Variants in DYTN observed in about 807,000 individuals in gnomAD.
DYTN encodes the protein dystrotelin.
DYTN carries 75 observed loss-of-function variants against 69.6 expected under a neutral mutation model. That is an observed-to-expected ratio of 1.08 (90% CI 0.89 to 1.31). DYTN has a LOEUF of 1.31. Ranked by LOEUF, DYTN falls within the 50% of genes most tolerant of loss-of-function variation. The pLI is 0.00. For missense variants in DYTN, 726 were observed against 688.4 expected (o/e 1.05, Z -0.61); for synonymous variants, 252 against 249.1 (o/e 1.01, Z -0.11).
chr2:206,672,770 T>C (rs968172128), intron 9 of DYTN, among the ~76,000 whole-genome samples: 1 of 152,250 alleles, frequency 6.6e-6, no homozygotes, highest in Admixed American at 6.5e-5. Context: ...CAAGTGGAGT[T>C]ACACATGTGG....
intron 9 of DYTN, among the ~76,000 whole-genome samples, chr2:206,680,004 A>C (rs899428228): frequency 5.3e-5 from 8 of 152,222 alleles, no homozygotes; most frequent in Admixed American, 1.3e-4. Context: ...ACAGTTCTAG[A>C]GGCTGAAAGT....
At chr2:206,717,366 G>C (rs1279879262) in intron 1 of DYTN, among the ~76,000 whole-genome samples, 1 of 152,174 alleles carries the variant, frequency 6.6e-6, no homozygotes, top group East Asian at 1.9e-4. Flanking sequence ...TCCTCACAGT[G>C]TGGTCCCAAG....
intron 11 of DYTN, among the ~76,000 whole-genome samples, chr2:206,659,122 C>A (rs1251090822): frequency 6.9e-6 from 1 of 145,370 alleles, no homozygotes; most frequent in South Asian, 2.2e-4. Flanking sequence ...GTTTGTGGAA[C>A]TTCTACACAG....
chr2:206,651,761 A>G lies in DYTN; in HGVS notation c.*57T>C. 2 of 1,453,920 alleles carry G rather than the reference A, an allele frequency of 1.4e-6. No individual in the cohort carries two copies. Among genetic ancestry groups the G allele is most frequent in the Non-Finnish European group, 1.9e-6 (2 of 1,038,822 alleles). 90.1% of individuals were successfully genotyped at this position (1,453,920 alleles called of 1,614,324 possible). On this transcript the variant is annotated 3_prime_UTR_variant, in exon 12 of 12. Transcript: ENST00000452335. ...GTAGAAGTCTTAATTCTTTTAATAC[A>G]GTTGTGCAACTGCATTTTGTCATCA...
At chr2:206,715,905 T>C (rs532505903) in intron 1 of DYTN, among the ~76,000 whole-genome samples, 10 of 152,100 alleles carry the variant, frequency 6.6e-5, no homozygotes, top group Non-Finnish European at 1.2e-4. Flanking sequence ...CTGGCCAACA[T>C]GGTGAAACCC....
At chr2:206,702,623 T>A (rs1266347930) in intron 5 of DYTN, among the ~76,000 whole-genome samples, 2 of 152,158 alleles carry the variant, frequency 1.3e-5, no homozygotes, top group Non-Finnish European at 2.9e-5. Context: ...CTGGACCACT[T>A]ATTTAGACTG....
intron 1 of DYTN, among the ~76,000 whole-genome samples, chr2:206,712,049 T>C (rs1700083226): frequency 6.6e-6 from 1 of 152,208 alleles, no homozygotes; most frequent in African/African-American, 2.4e-5. Context: ...AATAGCTTAG[T>C]TTATTTTAGG....
At chr2:206,704,497 A>T (rs1326077605) in intron 5 of DYTN, among the ~76,000 whole-genome samples, 1 of 152,232 alleles carries the variant, frequency 6.6e-6, no homozygotes, top group Non-Finnish European at 1.5e-5. Context: ...AGTGGTGATT[A>T]TCTGTACCTA....
At chr2:206,683,872 G>A (rs1380718735) in intron 9 of DYTN, among the ~76,000 whole-genome samples, 3 of 151,902 alleles carry the variant, frequency 2.0e-5, no homozygotes, top group African/African-American at 7.3e-5. Flanking sequence ...TTGATCAAAT[G>A]TCACCTCTCA....
At chr2:206,674,730 C>A (rs1318620334) in intron 9 of DYTN, among the ~76,000 whole-genome samples, 1 of 142,742 alleles carries the variant, frequency 7.0e-6, no homozygotes, top group Non-Finnish European at 1.5e-5. Flanking sequence ...ATTTTAGTTG[C>A]AGCAATGCCA....
intron 9 of DYTN, 104 bp downstream of exon 9, chr2:206,693,071 T>C: frequency 7.0e-7 from 1 of 1,422,622 alleles, no homozygotes; most frequent in Non-Finnish European, 9.2e-7. Flanking sequence ...CCTCCTGCCT[T>C]GTCTAGGATC....
chr2:206,668,666 C>A (rs1015317552), intron 9 of DYTN, among the ~76,000 whole-genome samples: 3 of 152,166 alleles, frequency 2.0e-5, no homozygotes, highest in Admixed American at 6.5e-5. Context: ...GCTAATCATG[C>A]CCAAAGCAGT....
In DYTN at chr2:206,705,830, G is replaced by C. The variant is rs201993785; in HGVS notation, c.340C>G (p.Leu114Val). The change falls in exon 4 of 12, where the codon CTA becomes GTA. Residue 114 changes from leucine to valine, a missense_variant. Leu to Val is a conservative substitution (Grantham distance 32). Coordinates refer to ENST00000452335, the MANE Select transcript of DYTN (RefSeq NM_001093730.1). The stretch of plus-strand genomic sequence containing the variant: ...GGGCTGTCTCCTGAGAGGGTTATTA[G>C]GGCAGCGGCCGCAGGCATAAGCTGG... The part of the protein sequence containing the change: ...FLQLMPAAAA[L>V]ITLSGDSPLS... 1.9e-6 allele frequency: 3 copies of C among 1,613,854 alleles called. No individual in the cohort carries two copies. Among genetic ancestry groups the C allele is most frequent in the South Asian group, 2.2e-5 (2 of 91,044 alleles).
At chr2:206,669,575 A>C (rs997739523) in intron 9 of DYTN, among the ~76,000 whole-genome samples, 1 of 152,234 alleles carries the variant, frequency 6.6e-6, no homozygotes, top group Non-Finnish European at 1.5e-5. Context: ...GACATGGATT[A>C]TATCAAAGGG....
chr2:206,677,745 C>A (rs557006393), intron 9 of DYTN, among the ~76,000 whole-genome samples: 3 of 152,184 alleles, frequency 2.0e-5, no homozygotes, highest in African/African-American at 7.2e-5. Context: ...AATCCCAGCA[C>A]TTTGGGAGAC....
intron 1 of DYTN, among the ~76,000 whole-genome samples, chr2:206,717,682 A>G (rs1700142344): frequency 6.6e-6 from 1 of 152,252 alleles, no homozygotes; most frequent in Non-Finnish European, 1.5e-5. Flanking sequence ...AATTTCATAT[A>G]AAACAAGTAA....
At chr2:206,688,267 C>T (rs976167026) in intron 9 of DYTN, among the ~76,000 whole-genome samples, 1 of 152,146 alleles carries the variant, frequency 6.6e-6, no homozygotes, top group African/African-American at 2.4e-5. Context: ...TAGCATTAAA[C>T]TCATGGTCAA....
chr2:206,714,065 T>A (rs571508339), intron 1 of DYTN, among the ~76,000 whole-genome samples: 2 of 152,288 alleles, frequency 1.3e-5, no homozygotes, highest in East Asian at 3.9e-4. Flanking sequence ...TGACATTCAT[T>A]TTTGTCTCGT....
intron 9 of DYTN, among the ~76,000 whole-genome samples, chr2:206,683,860 CTT>C (rs1455362734): frequency 1.3e-5 from 2 of 152,096 alleles, no homozygotes; most frequent in African/African-American, 4.8e-5. Flanking sequence ...TCCTTCAAAA[CTT>C]TGATCAAATG....
Sources: allele counts gnomAD v4.1 joint callset (sites outside exome capture counted in the v4.1 genomes callset), GRCh38; gene constraint gnomAD v4.1.1; transcripts MANE v1.5; gene names NCBI Gene and HGNC (gene_info 2026-07-23, HGNC 2026-07-21).